The following AFG3L2 variants were observed in gnomAD, a reference collection of about 807,000 sequenced individuals.
AFG3L2 encodes mitochondrial inner membrane m-AAA protease component AFG3L2.
Under a neutral mutation model 94.5 loss-of-function variants are expected in AFG3L2, and 54 were observed. That is an observed-to-expected ratio of 0.57 (90% CI 0.46 to 0.72). AFG3L2 has a LOEUF of 0.72. AFG3L2 is among the 30% of genes least tolerant of loss of function. The pLI, the probability that AFG3L2 is intolerant of heterozygous loss-of-function variation, is 0.00. For synonymous variants in AFG3L2, 377 were observed against 365.5 expected (o/e 1.03, Z -0.36); for missense variants, 754 against 994.9 (o/e 0.76, Z 3.26).
chr18:12,350,940 C>T, intron 12 of AFG3L2, 145 bp downstream of exon 12: 1 of 1,087,360 alleles, frequency 9.2e-7, no homozygotes. Context: ...AAGTGAGACC[C>T]TGTCTCAAAA....
chr18:12,363,701 A>G lies in AFG3L2; in HGVS notation c.627+81T>C, dbSNP rs1908726486. 5.4e-6 allele frequency: 6 copies of G among 1,112,596 alleles called. No homozygotes were observed. The South Asian group carries it at 6.2e-5, about 12-fold the overall frequency. 68.9% of individuals were successfully genotyped at this position (1,112,596 alleles called of 1,614,324 possible). A position where few individuals can be genotyped will look rare whatever the true frequency, so the allele number is the denominator to read the frequency against. On this transcript the variant is annotated intron_variant, in intron 6 of 16. Coordinates refer to ENST00000269143, the MANE Select transcript of AFG3L2 (RefSeq NM_006796.3). Reference sequence around the variant, plus strand: ...ATCTGGTGCGTATAACTCCTAGAGTATGAGGCAGGTTTTCCTTTCAGCTTT... The same window carrying G: ...ATCTGGTGCGTATAACTCCTAGAGTGTGAGGCAGGTTTTCCTTTCAGCTTT...
In AFG3L2 at chr18:12,351,297, T is replaced by A. The variant is rs377339236; in HGVS notation, c.1426+9A>T. ...AGCACTGGACCTGCCCCAGCAAACA[T>A]CATCTCACCAATAAAGATCTGCCTG... On this transcript the variant is annotated intron_variant, in intron 11 of 16. Transcript: ENST00000269143. 174 of 1,613,994 alleles carry A rather than the reference T, an allele frequency of 1.1e-4. No individual in the cohort carries two copies. Among genetic ancestry groups the A allele is most frequent in the Non-Finnish European group, 1.4e-4 (166 of 1,179,988 alleles).
At position 12,329,341 on chromosome 18, in the gene AFG3L2, C is replaced by G; in HGVS notation, c.*224G>C. 1 of 674,012 alleles carries G rather than the reference C, an allele frequency of 1.5e-6. No homozygotes were observed. Among genetic ancestry groups the G allele is most frequent in the Non-Finnish European group, 2.7e-6 (1 of 373,676 alleles). 41.8% of individuals were successfully genotyped at this position (674,012 alleles called of 1,614,324 possible). A position where few individuals can be genotyped will look rare whatever the true frequency, so the allele number is the denominator to read the frequency against. ...CAGCACGTCTGGGAGCCCAATGAGG[C>G]TATGGGACAGTGTGCATTTCCCTCA... On this transcript the variant is annotated 3_prime_UTR_variant, in exon 17 of 17. Transcript: ENST00000269143.
At chr18:12,367,458 T>C (rs1908844020) in intron 3 of AFG3L2, 76 bp from the exon 4 acceptor site, 3 of 1,374,570 alleles carry the variant, frequency 2.2e-6, no homozygotes, top group Non-Finnish European at 3.1e-6. Context: ...ATGTATACGG[T>C]TTAATAAAAG....
At chr18:12,333,177 A>T (rs1397637871) in intron 16 of AFG3L2, among the ~76,000 whole-genome samples, 1 of 119,218 alleles carries the variant, frequency 8.4e-6, no homozygotes, top group African/African-American at 3.5e-5. Flanking sequence ...AATAATAGAT[A>T]ATATAATAAA....
chr18:12,348,284 C>A lies in AFG3L2; in HGVS notation c.1652G>T (p.Arg551Leu). Residue 551 changes from arginine (R) to leucine (L), a missense_variant, in exon 13 of 17, where the codon CGA (arginine) becomes CTA (leucine). This residue lies in a region of AFG3L2 where 279 missense variants were observed against 378.6 expected (regional missense o/e 0.74). Coordinates refer to ENST00000269143, the MANE Select transcript of AFG3L2 (RefSeq NM_006796.3). Reference sequence around the variant, plus strand: ...TTCAGTTTCCTTACCACCAATCACTCGTTCAATTGCCTGTTCAAAGTGTTT... The same window carrying A: ...TTCAGTTTCCTTACCACCAATCACTAGTTCAATTGCCTGTTCAAAGTGTTT... Reference protein sequence around the residue: ...NQKHFEQAIERVIGGLEKKTQ... With the variant: ...NQKHFEQAIELVIGGLEKKTQ... 1 of 1,613,432 alleles carries A rather than the reference C, an allele frequency of 6.2e-7. No homozygotes were observed. Among genetic ancestry groups the A allele is most frequent in the Non-Finnish European group, 8.5e-7 (1 of 1,179,364 alleles).
At chr18:12,337,194 G>A (rs1407359373) in intron 16 of AFG3L2, 147 bp downstream of exon 16, 11 of 748,616 alleles carry the variant, frequency 1.5e-5, no homozygotes, top group South Asian at 1.3e-4. Context: ...AGACAGAGCA[G>A]ACAACGAAAC....
At chr18:12,369,151 C>G (rs1908899735) in intron 3 of AFG3L2, among the ~76,000 whole-genome samples, 1 of 152,146 alleles carries the variant, frequency 6.6e-6, no homozygotes, top group African/African-American at 2.4e-5. Flanking sequence ...GTAAGCACAC[C>G]ACTAAAGCTG....
chr18:12,364,446 G>A (rs1334153469), intron 5 of AFG3L2, among the ~76,000 whole-genome samples: 1 of 152,020 alleles, frequency 6.6e-6, no homozygotes, highest in Non-Finnish European at 1.5e-5. Flanking sequence ...TGTGTTGCAG[G>A]GTATACATAC....
chr18:12,356,139 A>C, intron 9 of AFG3L2, among the ~76,000 whole-genome samples: 1 of 148,894 alleles, frequency 6.7e-6, no homozygotes, highest in Non-Finnish European at 1.5e-5. Context: ...AAAAAAATCC[A>C]CAAATAAAGC....
chr18:12,362,115 C>T (rs907303668), intron 6 of AFG3L2, among the ~76,000 whole-genome samples: 3 of 152,206 alleles, frequency 2.0e-5, no homozygotes, highest in Non-Finnish European at 4.4e-5. Context: ...TTTTTATGCA[C>T]ACTAAAATTT....
chr18:12,371,500 A>T (rs1429218335), intron 2 of AFG3L2, 92 bp downstream of exon 2: 34 of 949,564 alleles, frequency 3.6e-5, no homozygotes, highest in Non-Finnish European at 5.5e-5. Context: ...CTGTAATCAG[A>T]CATAAGTTGG....
At chr18:12,352,665 C>T (rs779494177) in intron 10 of AFG3L2, among the ~76,000 whole-genome samples, 43 of 152,098 alleles carry the variant, frequency 2.8e-4, no homozygotes, top group African/African-American at 9.4e-4. Context: ...ATGTTAACAC[C>T]GATATTAAGT....
Position 12,351,635 on chromosome 18 carries a change from T to C in AFG3L2, c.1319-222A>G, listed in dbSNP as rs572380875. On this transcript the variant is annotated intron_variant, in intron 10 of 16. Transcript: ENST00000269143. ...GATCTCAGCTCACTGCAACCTCCGCTTCCCAGGTTCAAGCAATTCTCCTGC... is the reference window on the plus strand; with the variant it reads ...GATCTCAGCTCACTGCAACCTCCGCCTCCCAGGTTCAAGCAATTCTCCTGC... Among the ~76,000 whole-genome samples the C allele has an allele frequency of 9.6e-4, 145 of 151,592 alleles. 1 individual carries two copies. Among genetic ancestry groups the C allele is most frequent in the African/African-American group, 3.4e-3 (141 of 41,330 alleles).
chr18:12,355,180 C>T (rs1438439029), intron 9 of AFG3L2, among the ~76,000 whole-genome samples: 1 of 144,590 alleles, frequency 6.9e-6, no homozygotes, highest in African/African-American at 2.6e-5. Context: ...GCCTGGGCGA[C>T]AGAGCAAGAC....
chr18:12,340,509 G>A (rs745426401), intron 14 of AFG3L2, 108 bp from the exon 15 acceptor site: 11 of 884,614 alleles, frequency 1.2e-5, no homozygotes, highest in African/African-American at 6.6e-5. Context: ...CACAACAGCC[G>A]CACAGTTCAT....
chr18:12,334,543 C>A (rs926023907), intron 16 of AFG3L2, among the ~76,000 whole-genome samples: 1 of 152,154 alleles, frequency 6.6e-6, no homozygotes, highest in African/African-American at 2.4e-5. Context: ...GGTGTTGAGA[C>A]CAAACCGTTT....
At chr18:12,366,711 G>A (rs1908818334) in intron 5 of AFG3L2, among the ~76,000 whole-genome samples, 2 of 152,168 alleles carry the variant, frequency 1.3e-5, no homozygotes, top group Non-Finnish European at 2.9e-5. Context: ...CCAAGACCAT[G>A]GTCAGAAGCA....
intron 6 of AFG3L2, among the ~76,000 whole-genome samples, chr18:12,362,652 G>A (rs766600185): frequency 3.3e-5 from 5 of 152,182 alleles, no homozygotes; most frequent in Non-Finnish European, 7.4e-5. Flanking sequence ...CCGTAGGGAC[G>A]GCACTGCCCC....
Sources: gnomAD v4.1 joint callset for allele counts (sites outside exome capture counted in the v4.1 genomes callset) on GRCh38, gnomAD v4.1.1 for gene constraint, gnomAD v4.1.1 regional missense constraint, MANE v1.5 for transcripts, NCBI Gene and HGNC (gene_info 2026-07-23, HGNC 2026-07-21) for gene names.